The following ABLIM1 variants were observed in gnomAD, a reference collection of about 807,000 sequenced individuals.
ABLIM1 encodes actin binding LIM protein 1.
In ABLIM1, 40 loss-of-function variants were observed where a neutral mutation model predicts 107.0. The observed-to-expected ratio is 0.37, with a 90% CI of 0.29 to 0.49. The LOEUF is 0.49. ABLIM1 is among the 20% of genes least tolerant of loss of function. ABLIM1 has a pLI of 0.97. For synonymous variants in ABLIM1, 357 were observed against 357.3 expected, an observed-to-expected ratio of 1.00 and a Z score of 0.01; for missense variants, 857 against 1,008.5, an observed-to-expected ratio of 0.85 and a Z score of 2.04.
chr10:114,696,536 G>GA (rs2081197175), intron 1 of ABLIM1, among the ~76,000 whole-genome samples: 1 of 151,694 alleles, frequency 6.6e-6, no homozygotes, highest in Non-Finnish European at 1.5e-5. Context: ...TGTGTTGTGG[G>GA]AGGGACACAG....
intron 2 of ABLIM1, among the ~76,000 whole-genome samples, chr10:114,584,096 A>G (rs2073923478): frequency 6.6e-6 from 1 of 151,904 alleles, no homozygotes; most frequent in Non-Finnish European, 1.5e-5. Flanking sequence ...AAACCTGCAC[A>G]TGTACCCACT....
chr10:114,744,409 A>G (rs1033589169), intron 1 of ABLIM1, among the ~76,000 whole-genome samples: 1 of 152,200 alleles, frequency 6.6e-6, no homozygotes, highest in African/African-American at 2.4e-5. Flanking sequence ...AAAATGCAAC[A>G]AAGAAACAAG....
intron 3 of ABLIM1, among the ~76,000 whole-genome samples, chr10:114,574,177 G>A (rs533722627): frequency 3.0e-4 from 45 of 152,176 alleles, no homozygotes; most frequent in Non-Finnish European, 4.1e-4. Context: ...CAGACAACAC[G>A]TCTCCTCTGA....
At chr10:114,761,920 C>T (rs919747072) in intron 1 of ABLIM1, among the ~76,000 whole-genome samples, 6 of 152,136 alleles carry the variant, frequency 3.9e-5, no homozygotes, top group Non-Finnish European at 5.9e-5. Flanking sequence ...ATATGGTTGT[C>T]ATGCCCACAG....
intron 1 of ABLIM1, 51 bp from the exon 2 acceptor site, chr10:114,602,012 A>C (rs1036529979): frequency 2.1e-5 from 33 of 1,606,390 alleles, no homozygotes; most frequent in Non-Finnish European, 2.6e-5. Flanking sequence ...ATTCCTGCAA[A>C]AGGGGTCATC....
intron 1 of ABLIM1, among the ~76,000 whole-genome samples, chr10:114,674,574 C>T (rs2080398649): frequency 6.6e-6 from 1 of 152,062 alleles, no homozygotes; most frequent in African/African-American, 2.4e-5. Context: ...TAACAGTTTC[C>T]TCACCTCCTT....
intron 6 of ABLIM1, among the ~76,000 whole-genome samples, chr10:114,509,476 C>T (rs980835684): frequency 6.6e-6 from 1 of 152,078 alleles, no homozygotes; most frequent in Non-Finnish European, 1.5e-5. Flanking sequence ...TCCTCTGCCT[C>T]GGGGCCTCAC....
At chr10:114,760,094 A>G (rs2082712849) in intron 1 of ABLIM1, among the ~76,000 whole-genome samples, 1 of 152,116 alleles carries the variant, frequency 6.6e-6, no homozygotes, top group Non-Finnish European at 1.5e-5. Context: ...TAATTAGTAT[A>G]TTAGCATCCT....
intron 1 of ABLIM1, among the ~76,000 whole-genome samples, chr10:114,703,881 C>T (rs1390742826): frequency 2.6e-5 from 4 of 152,172 alleles, no homozygotes; most frequent in Admixed American, 1.3e-4. Flanking sequence ...GAAACATTCA[C>T]GTTTCTCACT....
intron 1 of ABLIM1, among the ~76,000 whole-genome samples, chr10:114,739,133 T>C (rs1170968429): frequency 6.6e-6 from 1 of 152,234 alleles, no homozygotes; most frequent in Non-Finnish European, 1.5e-5. Flanking sequence ...ACAGTCTCTT[T>C]TAAAAACTAC....
intron 1 of ABLIM1, among the ~76,000 whole-genome samples, chr10:114,624,038 A>G (rs1371603798): frequency 6.6e-6 from 1 of 152,202 alleles, no homozygotes; most frequent in Non-Finnish European, 1.5e-5. Flanking sequence ...CCTTGAATAC[A>G]CAGCTCCTGC....
chr10:114,727,404 A>G (rs1410621581), intron 1 of ABLIM1, among the ~76,000 whole-genome samples: 1 of 152,252 alleles, frequency 6.6e-6, no homozygotes, highest in African/African-American at 2.4e-5. Context: ...CCAAGAATTG[A>G]GAATTTTCCC....
At chr10:114,469,780 A>G (rs1405906332) in intron 10 of ABLIM1, among the ~76,000 whole-genome samples, 1 of 152,264 alleles carries the variant, frequency 6.6e-6, no homozygotes, top group African/African-American at 2.4e-5. Context: ...TAGTTGCTCA[A>G]GTATTTTCCA....
At chr10:114,555,659 T>C (rs1403738661) in intron 4 of ABLIM1, among the ~76,000 whole-genome samples, 1 of 152,230 alleles carries the variant, frequency 6.6e-6, no homozygotes, top group Non-Finnish European at 1.5e-5. Context: ...ATCTAACCAA[T>C]GCTTGCTGAG....
intron 1 of ABLIM1, among the ~76,000 whole-genome samples, chr10:114,625,254 C>A (rs533115807): frequency 3.4e-4 from 52 of 152,088 alleles, no homozygotes; most frequent in Non-Finnish European, 6.3e-4. Flanking sequence ...CAATAGTCAT[C>A]GCACACATGA....
intron 1 of ABLIM1, among the ~76,000 whole-genome samples, chr10:114,671,955 T>C (rs1171659315): frequency 2.0e-5 from 3 of 151,878 alleles, no homozygotes; most frequent in Non-Finnish European, 4.4e-5. Context: ...CTCCAACTCC[T>C]GGGCTCAAAC....
At chr10:114,660,616 T>C (rs2079751579), upstream of ABLIM1, among the ~76,000 whole-genome samples, 1 of 152,202 alleles carries the variant, frequency 6.6e-6, no homozygotes, top group African/African-American at 2.4e-5. Flanking sequence ...TGTTTTGTAA[T>C]AAACATCGTA....
chr10:114,733,668 T>C (rs1362328417), intron 1 of ABLIM1, among the ~76,000 whole-genome samples: 2 of 152,168 alleles, frequency 1.3e-5, no homozygotes, highest in Non-Finnish European at 2.9e-5. Context: ...AGTATTCTTA[T>C]AATTAGATAA....
At chr10:114,480,700 A>T (rs2057223998) in intron 8 of ABLIM1, among the ~76,000 whole-genome samples, 1 of 152,206 alleles carries the variant, frequency 6.6e-6, no homozygotes, top group Admixed American at 6.5e-5. Context: ...CAAAAGGAAG[A>T]AAGGAGCCTT....
Sources: allele counts gnomAD v4.1 joint callset (sites outside exome capture counted in the v4.1 genomes callset), GRCh38; gene constraint gnomAD v4.1.1; transcripts MANE v1.5; gene names NCBI Gene and HGNC (gene_info 2026-07-23, HGNC 2026-07-21).